The following RALGPS1 variants were observed in gnomAD, a reference collection of about 807,000 sequenced individuals.
The protein encoded by RALGPS1 is ras-specific guanine nucleotide-releasing factor RalGPS1.
RALGPS1 carries 19 observed loss-of-function variants against 78.8 expected under a neutral mutation model. The observed-to-expected ratio is 0.24, with a 90% CI of 0.17 to 0.35. The LOEUF (loss-of-function observed/expected upper bound fraction) is 0.35. RALGPS1 is among the 10% of genes least tolerant of loss of function. The pLI, the probability that RALGPS1 is intolerant of heterozygous loss-of-function variation, is 1.00. For missense variants in RALGPS1, 454 were observed against 688.3 expected (o/e 0.66, Z 3.81); for synonymous variants, 228 against 256.3 (o/e 0.89, Z 1.06).
At chr9:127,171,244 G>T (rs2059550884) in intron 10 of RALGPS1, among the ~76,000 whole-genome samples, 1 of 152,130 alleles carries the variant, frequency 6.6e-6, no homozygotes, top group South Asian at 2.1e-4. Flanking sequence ...TAGAAAATGT[G>T]TATATATGTA....
At chr9:127,021,907 T>G (rs923969679) in intron 4 of RALGPS1, among the ~76,000 whole-genome samples, 2 of 152,088 alleles carry the variant, frequency 1.3e-5, no homozygotes, top group African/African-American at 4.8e-5. Flanking sequence ...GTTCTAATTG[T>G]GCAGAGCTAC....
At chr9:127,034,685 C>T (rs1221257248) in intron 5 of RALGPS1, among the ~76,000 whole-genome samples, 171 bp downstream of exon 5, 1 of 152,182 alleles carries the variant, frequency 6.6e-6, no homozygotes, top group Non-Finnish European at 1.5e-5. Context: ...AGTCCATTTT[C>T]ACAGAGCAGG....
intron 11 of RALGPS1, among the ~76,000 whole-genome samples, chr9:127,182,336 TCCTTCCTTCCTTCCTC>T (rs2060285467): frequency 1.4e-5 from 2 of 146,316 alleles, no homozygotes; most frequent in Admixed American, 6.8e-5. Context: ...CTTCCTGCCT[TCCTTCCTTCCTTCCTC>T]CCTTCCTTCC....
intron 8 of RALGPS1, chr9:127,089,247 G>T: frequency 8.4e-7 from 1 of 1,190,748 alleles, no homozygotes; most frequent in Non-Finnish European, 1.2e-6. Flanking sequence ...TCTGGAGCAA[G>T]AACGCTTGAA....
chr9:126,925,061 A>T (rs915139565), intron 1 of RALGPS1, among the ~76,000 whole-genome samples: 5 of 151,814 alleles, frequency 3.3e-5, no homozygotes, highest in Non-Finnish European at 7.4e-5. Context: ...TGGGAGGTGG[A>T]GGTTGCGGTG....
intron 4 of RALGPS1, among the ~76,000 whole-genome samples, chr9:127,007,374 C>T (rs1366881760): frequency 6.6e-6 from 1 of 152,186 alleles, no homozygotes; most frequent in Non-Finnish European, 1.5e-5. Flanking sequence ...CACATAGATG[C>T]ACATATTAGA....
At chr9:127,114,792 C>A (rs890618891) in intron 8 of RALGPS1, among the ~76,000 whole-genome samples, 1 of 152,230 alleles carries the variant, frequency 6.6e-6, no homozygotes, top group Non-Finnish European at 1.5e-5. Flanking sequence ...TGGCCCCTGA[C>A]GTCGGGGTTC....
chr9:126,968,893 A>G (rs2039804004), intron 3 of RALGPS1, among the ~76,000 whole-genome samples: 2 of 152,186 alleles, frequency 1.3e-5, no homozygotes, highest in Non-Finnish European at 2.9e-5. Flanking sequence ...TACTAAAAAT[A>G]CAAAATTAAC....
chr9:127,125,024 G>A (rs763012953), intron 8 of RALGPS1, among the ~76,000 whole-genome samples: 6 of 152,116 alleles, frequency 3.9e-5, no homozygotes, highest in Admixed American at 6.5e-5. Flanking sequence ...GCATTGGGCA[G>A]TCAAAATTGG....
At chr9:127,008,304 A>T (rs535143285) in intron 4 of RALGPS1, among the ~76,000 whole-genome samples, 3 of 152,322 alleles carry the variant, frequency 2.0e-5, no homozygotes, top group African/African-American at 7.2e-5. Flanking sequence ...GGGCTATTCC[A>T]TGGACCTAAT....
intron 4 of RALGPS1, among the ~76,000 whole-genome samples, chr9:127,003,675 T>C (rs2043562345): frequency 6.6e-6 from 1 of 152,134 alleles, no homozygotes; most frequent in Non-Finnish European, 1.5e-5. Flanking sequence ...CCAAACTGTT[T>C]TCTTTCTTTC....
At chr9:127,156,434 C>G (rs1183571759) in intron 8 of RALGPS1, among the ~76,000 whole-genome samples, 2 of 152,114 alleles carry the variant, frequency 1.3e-5, no homozygotes, top group African/African-American at 2.4e-5. Flanking sequence ...ACACGCTCAT[C>G]AACACTAAAT....
At chr9:126,928,853 C>G (rs519213) in intron 1 of RALGPS1, among the ~76,000 whole-genome samples, 4,202 of 152,240 alleles carry the variant, frequency 0.028, 52 homozygotes, top group Middle Eastern at 0.048. Context: ...CCACCCGCCT[C>G]GGCTTCCCAA....
In RALGPS1 at chr9:127,212,740, C is replaced by G. The variant is rs765070659; in HGVS notation, c.1446+21C>G. ...AACACGTAAGTCCCTTGAAAGGACT[C>G]TAGTGCTGGGACTTCCTCTAGTGGG... is the stretch of plus-strand genomic sequence containing the variant. On this transcript the variant is annotated intron_variant, in intron 16 of 18. Transcript: ENST00000259351. This position sits in a 1 kb window ranked among gnomAD's most constrained non-coding sequence, Gnocchi z 6.0. 4 of 1,586,516 alleles carry G rather than the reference C, an allele frequency of 2.5e-6. No individual in the cohort carries two copies. Among genetic ancestry groups the G allele is most frequent in the Admixed American group, 1.7e-5 (1 of 59,426 alleles).
At chr9:126,980,363 C>A (rs1031418712) in intron 4 of RALGPS1, among the ~76,000 whole-genome samples, 1 of 152,160 alleles carries the variant, frequency 6.6e-6, no homozygotes, top group African/African-American at 2.4e-5. Context: ...TCAACCCTGG[C>A]TGTGTTTCAA....
intron 3 of RALGPS1, among the ~76,000 whole-genome samples, chr9:126,976,774 G>A (rs927839680): frequency 1.3e-5 from 2 of 152,186 alleles, no homozygotes; most frequent in African/African-American, 4.8e-5. Flanking sequence ...TCTCCCTGGC[G>A]TGTCACAGAG....
intron 3 of RALGPS1, among the ~76,000 whole-genome samples, chr9:126,966,855 G>A (rs2039557061): frequency 6.6e-6 from 1 of 152,198 alleles, no homozygotes; most frequent in Admixed American, 6.5e-5. Context: ...CCCTTGTGGT[G>A]GAGCAGTGTT....
intron 8 of RALGPS1, among the ~76,000 whole-genome samples, chr9:127,097,579 A>ATT (rs1178736576): frequency 6.6e-6 from 1 of 152,276 alleles, no homozygotes; most frequent in Non-Finnish European, 1.5e-5. Flanking sequence ...AAAATTAGTC[A>ATT]GAAAAAGAGT....
At chr9:127,116,246 C>G (rs1316708643) in intron 8 of RALGPS1, among the ~76,000 whole-genome samples, 1 of 151,962 alleles carries the variant, frequency 6.6e-6, no homozygotes, top group Non-Finnish European at 1.5e-5. Context: ...GTGCTCCTGC[C>G]ATTGGTGAAT....
Sources: allele counts gnomAD v4.1 joint callset (sites outside exome capture counted in the v4.1 genomes callset), GRCh38; gene constraint gnomAD v4.1.1; non-coding constraint Gnocchi (gnomAD v3.1); transcripts MANE v1.5; gene names NCBI Gene and HGNC (gene_info 2026-07-23, HGNC 2026-07-21).